The following STXBP5L variants were observed in gnomAD, a reference collection of about 807,000 sequenced individuals.
STXBP5L encodes the protein syntaxin binding protein 5L.
In STXBP5L, 65 loss-of-function variants were observed where a neutral mutation model predicts 144.5. The observed-to-expected ratio is 0.45, with a 90% CI of 0.37 to 0.55. The LOEUF (loss-of-function observed/expected upper bound fraction) is 0.55, where lower values mean the gene tolerates loss of function less well. Ranked by LOEUF, STXBP5L falls within the 20% of genes least tolerant of loss-of-function variation. The pLI is 0.00. For missense variants in STXBP5L, 1,298 were observed against 1,405.5 expected, an observed-to-expected ratio of 0.92 and a Z score of 1.22; for synonymous variants, 505 against 469.6, an observed-to-expected ratio of 1.08 and a Z score of -0.97.
chr3:121,169,601 G>A (rs953241635), intron 9 of STXBP5L, among the ~76,000 whole-genome samples: 2 of 152,150 alleles, frequency 1.3e-5, no homozygotes, highest in South Asian at 4.1e-4. Flanking sequence ...AGACAAAGAA[G>A]GGCATTACAT....
chr3:121,063,324 A>G (rs1006893074), intron 5 of STXBP5L, among the ~76,000 whole-genome samples: 1 of 152,086 alleles, frequency 6.6e-6, no homozygotes, highest in Non-Finnish European at 1.5e-5. Flanking sequence ...TCACCAGTGG[A>G]TGCTGCAGAA....
At position 121,026,033 on chromosome 3, in the gene STXBP5L, GTTATATATAA is replaced by G. The variant is rs201604320; in HGVS notation, c.288-15661_288-15652del. On this transcript the variant is annotated intron_variant, in intron 3 of 26. Coordinates refer to ENST00000471454, the MANE Select transcript of STXBP5L (RefSeq NM_001308330.2). ...TATAAATATATTTATAATTTTATAA[GTTATATATAA>G]TTATAATTAAATTATATTATAATTA... is the stretch of plus-strand genomic sequence containing the variant. Among the ~76,000 whole-genome samples the G allele has an allele frequency of 4.5e-3, 612 of 135,492 alleles. 2 individuals carry two copies. Among genetic ancestry groups the G allele is most frequent in the African/African-American group, 0.015 (562 of 38,716 alleles). The allele number at this position is 135,492 out of a possible 152,430, so 88.9% of individuals were successfully genotyped here.
intron 5 of STXBP5L, among the ~76,000 whole-genome samples, chr3:121,082,207 G>A (rs1181747771): frequency 6.6e-6 from 1 of 151,992 alleles, no homozygotes; most frequent in South Asian, 2.1e-4. Flanking sequence ...ACTTTGGGGA[G>A]AATTTATATC....
At chr3:120,988,503 G>A (rs1414343922) in intron 3 of STXBP5L, among the ~76,000 whole-genome samples, 1 of 151,896 alleles carries the variant, frequency 6.6e-6, no homozygotes, top group African/African-American at 2.4e-5. Flanking sequence ...TAAAGTTTTT[G>A]AGATTTGTTT....
At chr3:121,349,724 T>A (rs1050511789) in intron 20 of STXBP5L, among the ~76,000 whole-genome samples, 13 of 152,106 alleles carry the variant, frequency 8.5e-5, no homozygotes, top group African/African-American at 3.1e-4. Flanking sequence ...GTCTTCTTTG[T>A]CTCTTTAGAT....
chr3:121,250,263 T>G (rs2049988341), intron 14 of STXBP5L, among the ~76,000 whole-genome samples: 1 of 152,030 alleles, frequency 6.6e-6, no homozygotes, highest in Admixed American at 6.6e-5. Context: ...TTTATAGAAT[T>G]GACATTTGAT....
intron 19 of STXBP5L, among the ~76,000 whole-genome samples, chr3:121,300,313 G>A (rs558630093): frequency 4.7e-4 from 71 of 152,054 alleles, no homozygotes; most frequent in Non-Finnish European, 9.0e-4. Context: ...ATAAAAAAAC[G>A]ATGGAAAATT....
intron 3 of STXBP5L, among the ~76,000 whole-genome samples, chr3:121,000,355 C>G (rs115668638): frequency 6.6e-6 from 1 of 152,014 alleles, no homozygotes; most frequent in Non-Finnish European, 1.5e-5. Flanking sequence ...ATTTGAAGAG[C>G]CAGTCTTTGA....
chr3:121,134,211 A>T (rs2045134927), intron 7 of STXBP5L, among the ~76,000 whole-genome samples: 1 of 152,132 alleles, frequency 6.6e-6, no homozygotes, highest in South Asian at 2.1e-4. Flanking sequence ...GGTGCAGGGC[A>T]TCACATGGTG....
intron 19 of STXBP5L, among the ~76,000 whole-genome samples, chr3:121,318,152 T>A (rs1027730999): frequency 3.0e-4 from 45 of 152,034 alleles, no homozygotes; most frequent in African/African-American, 1.0e-3. Context: ...CCTGTATCAC[T>A]TGTTTAAACA....
chr3:121,110,820 G>A (rs529945331), intron 5 of STXBP5L, among the ~76,000 whole-genome samples: 8 of 152,236 alleles, frequency 5.3e-5, no homozygotes, highest in South Asian at 2.1e-4. Flanking sequence ...CTTGAAGTAC[G>A]TTTTCCAACT....
At position 120,917,503 on chromosome 3, in the gene STXBP5L, G is replaced by A. The variant is rs141178284; in HGVS notation, c.189+7736G>A. Among the ~76,000 whole-genome samples the A allele has an allele frequency of 3.0e-3, 462 of 152,246 alleles. 3 individuals are homozygous for A. Among genetic ancestry groups the A allele is most frequent in the African/African-American group, 0.01 (431 of 41,556 alleles). ...AATTGAGGCTACCAGAAAGGGAATG[G>A]TAGGGTGGGGAATAGAGGTAAGATT... On this transcript the variant is annotated intron_variant, in intron 2 of 26. Coordinates refer to ENST00000471454, the MANE Select transcript of STXBP5L (RefSeq NM_001308330.2).
At chr3:120,978,862 T>G (rs907109274) in intron 3 of STXBP5L, among the ~76,000 whole-genome samples, 5 of 152,190 alleles carry the variant, frequency 3.3e-5, no homozygotes, top group Admixed American at 6.5e-5. Context: ...AACAGCAGAT[T>G]TTCGTGAACC....
intron 9 of STXBP5L, among the ~76,000 whole-genome samples, chr3:121,186,499 A>G (rs1229018911): frequency 6.6e-6 from 1 of 152,204 alleles, no homozygotes; most frequent in Non-Finnish European, 1.5e-5. Context: ...AGTTTGTAGC[A>G]TGAAGCATTG....
At chr3:121,240,406 A>C (rs1354533507) in intron 13 of STXBP5L, 34 bp from the exon 14 acceptor site, 8 of 1,587,916 alleles carry the variant, frequency 5.0e-6, no homozygotes, top group Non-Finnish European at 1.7e-6. Flanking sequence ...CCATTTAAAC[A>C]TGTATATATA....
At chr3:121,077,919 T>G (rs2042089377) in intron 5 of STXBP5L, among the ~76,000 whole-genome samples, 1 of 151,782 alleles carries the variant, frequency 6.6e-6, no homozygotes, top group African/African-American at 2.4e-5. Context: ...GATTTGTGTA[T>G]GTACAATCCC....
intron 5 of STXBP5L, among the ~76,000 whole-genome samples, chr3:121,087,682 G>A (rs1360278948): frequency 6.6e-6 from 1 of 151,696 alleles, no homozygotes; most frequent in African/African-American, 2.4e-5. Flanking sequence ...TGATATATTA[G>A]GGCTTAGGTT....
intron 3 of STXBP5L, among the ~76,000 whole-genome samples, chr3:120,996,187 G>GTTTT (rs1267927673): frequency 6.6e-6 from 1 of 151,476 alleles, no homozygotes; most frequent in Admixed American, 6.6e-5. Flanking sequence ...GTTTTGTTTT[G>GTTTT]TTTTAGTTTT....
At chr3:121,349,859 T>G (rs993762379) in intron 20 of STXBP5L, among the ~76,000 whole-genome samples, 1 of 152,080 alleles carries the variant, frequency 6.6e-6, no homozygotes, top group Non-Finnish European at 1.5e-5. Flanking sequence ...TGTCTCTGCA[T>G]GTGAGATGGG....
Sources: gnomAD v4.1 joint callset for allele counts (sites outside exome capture counted in the v4.1 genomes callset) on GRCh38, gnomAD v4.1.1 for gene constraint, MANE v1.5 for transcripts, NCBI Gene and HGNC (gene_info 2026-07-23, HGNC 2026-07-21) for gene names.